CROCC2: variants seen among roughly 807,000 people sequenced by gnomAD.
CROCC2 encodes the protein ciliary rootlet coiled-coil, rootletin family member 2.
Under a neutral mutation model 177.6 loss-of-function variants are expected in CROCC2, and 163 were observed. The observed-to-expected ratio is 0.92, with a 90% CI of 0.81 to 1.05. The LOEUF (loss-of-function observed/expected upper bound fraction) is 1.05, where lower values mean the gene tolerates loss of function less well. Among genes scored for constraint, CROCC2 ranks in the 50% least tolerant of loss-of-function variants. The pLI is 0.00. For synonymous variants in CROCC2, 904 were observed against 787.3 expected, an observed-to-expected ratio of 1.15 and a Z score of -2.48; for missense variants, 1,929 against 1,797.8, an observed-to-expected ratio of 1.07 and a Z score of -1.32.
chr2:240,940,630 TTGA>T (rs2059490332), intron 14 of CROCC2, among the ~76,000 whole-genome samples: 1 of 61,396 alleles, frequency 1.6e-5, no homozygotes, highest in Non-Finnish European at 4.7e-5. Context: ...GAAAAAGCGT[TTGA>T]CAAAATCCAG....
chr2:240,951,106 T>G (rs1345958408), intron 18 of CROCC2, among the ~76,000 whole-genome samples: 1 of 147,986 alleles, frequency 6.8e-6, no homozygotes, highest in African/African-American at 2.5e-5. Context: ...CATCCACCTG[T>G]TCATCCATCC....
At chr2:240,939,139 T>C (rs1324074683) in intron 14 of CROCC2, among the ~76,000 whole-genome samples, 3 of 152,116 alleles carry the variant, frequency 2.0e-5, no homozygotes. Flanking sequence ...TCTGTAGGCT[T>C]TTCATAGATG....
In CROCC2 at chr2:240,953,593, C is replaced by G. The variant is rs2059570781; in HGVS notation, c.2830-2266C>G. 6.6e-6 allele frequency among the ~76,000 whole-genome samples: 1 copy of G among 152,186 alleles called. No individual in the cohort carries two copies. The highest frequency in any genetic ancestry group is 1.9e-4 in the East Asian group (1 of 5,172). Reference sequence around the variant, plus strand: ...TGCAGCAAGTGAGTTTTCCCAGGACCTCTGCTTGGCCAGCTGCCCTTTATT... The same window carrying G: ...TGCAGCAAGTGAGTTTTCCCAGGACGTCTGCTTGGCCAGCTGCCCTTTATT... On this transcript the variant is annotated intron_variant, in intron 18 of 31. Transcript: ENST00000690015. This position sits in a 1 kb window ranked among gnomAD's most constrained non-coding sequence, Gnocchi z 4.0.
At position 240,934,396 on chromosome 2, in the gene CROCC2, G is replaced by A. The variant is rs1407641937; in HGVS notation, c.1712G>A (p.Arg571Gln). The A allele has an allele frequency of 1.2e-5, 18 of 1,548,626 alleles. No homozygotes were observed. The highest frequency in any genetic ancestry group is 2.4e-5 in the East Asian group (1 of 40,922). ...CTCAGAGAGGAGCTGGCATCGGTCCGGGAGGCACTGAGCACAGCACAGCTG... is the reference window on the plus strand; with the variant it reads ...CTCAGAGAGGAGCTGGCATCGGTCCAGGAGGCACTGAGCACAGCACAGCTG... ...SGLREELASV[R>Q]EALSTAQLQR... Residue 571 changes from arginine to glutamine, a missense_variant, in exon 12 of 32, where the codon CGG becomes CAG. Coordinates refer to ENST00000690015, the MANE Select transcript of CROCC2 (RefSeq NM_001351305.2).
At chr2:240,970,866 C>G (rs926163832) in intron 27 of CROCC2, among the ~76,000 whole-genome samples, 2 of 152,164 alleles carry the variant, frequency 1.3e-5, no homozygotes, top group African/African-American at 2.4e-5. Context: ...AGGTGAGAAG[C>G]CTGGCATGGT....
intron 30 of CROCC2, 131 bp downstream of exon 30, chr2:240,989,964 G>C (rs1473597907): frequency 1.2e-6 from 1 of 867,684 alleles, no homozygotes; most frequent in African/African-American, 1.7e-5. Context: ...GCCACCCAGT[G>C]GGCTCCAGAC....
chr2:240,971,195 G>A (rs1254905693), intron 27 of CROCC2, among the ~76,000 whole-genome samples: 1 of 152,238 alleles, frequency 6.6e-6, no homozygotes, highest in Non-Finnish European at 1.5e-5. Flanking sequence ...GTGTGCGTGA[G>A]TGGGTGAGAC....
At position 240,972,980 on chromosome 2, in the gene CROCC2, T is replaced by G. The variant is rs1272067085; in HGVS notation, c.4401+4718T>G. Among the ~76,000 whole-genome samples the G allele has an allele frequency of 6.6e-6, 1 of 152,088 alleles. No individual in the cohort carries two copies. The highest frequency in any genetic ancestry group is 1.5e-5 in the Non-Finnish European group (1 of 68,010). On this transcript the variant is annotated intron_variant, in intron 27 of 31. Coordinates refer to ENST00000690015, the MANE Select transcript of CROCC2 (RefSeq NM_001351305.2). The surrounding 1 kb of genome is among the most constrained non-coding windows in gnomAD (Gnocchi z 7.1). ...GGGCTGGGAACATAGCCATGCTCCC[T>G]GCTGCCCCATGCCCCTTGCTGAGCA...
intron 20 of CROCC2, 198 bp from the exon 21 acceptor site, chr2:240,963,358 G>A (rs1024985308): frequency 3.8e-5 from 22 of 584,420 alleles, no homozygotes; most frequent in Non-Finnish European, 1.8e-5. Context: ...GGCTGGCCCT[G>A]CCTCAGCCCG....
chr2:240,945,366 T>C (rs1352839694), intron 14 of CROCC2, among the ~76,000 whole-genome samples: 2 of 152,242 alleles, frequency 1.3e-5, no homozygotes, highest in Admixed American at 6.5e-5. Context: ...CCGCTAGTAC[T>C]AGGGTCAAGC....
chr2:240,950,851 C>A, intron 18 of CROCC2: 1 of 264,504 alleles, frequency 3.8e-6, no homozygotes, highest in Non-Finnish European at 7.2e-6. Context: ...AACCACCCAC[C>A]CATTCACCCA....
chr2:240,906,698 T>C (rs930533263), intron 1 of CROCC2, 107 bp downstream of exon 1: 1 of 398,276 alleles, frequency 2.5e-6, no homozygotes, highest in Non-Finnish European at 4.4e-6. Flanking sequence ...CCTTCCTGGC[T>C]CCCGGGGCAC....
rs991676202 is a variant in CROCC2, at chr2:240,907,526, A to G, written c.78+935A>G. Among the ~76,000 whole-genome samples, 4 of 152,276 alleles carry G rather than the reference A, an allele frequency of 2.6e-5. No individual in the cohort carries two copies. In the East Asian group the frequency reaches 5.8e-4, roughly 22 times the overall value. ...CAAAACTATGCCACGGCAGGCTGACATGGCCCTATCCAAACAATACAGATC... is the reference window on the plus strand; with the variant it reads ...CAAAACTATGCCACGGCAGGCTGACGTGGCCCTATCCAAACAATACAGATC... On this transcript the variant is annotated intron_variant, in intron 1 of 31. Transcript: ENST00000690015.
At chr2:240,987,867 C>A (rs775367907) in intron 28 of CROCC2, among the ~76,000 whole-genome samples, 2 of 152,234 alleles carry the variant, frequency 1.3e-5, no homozygotes, top group Non-Finnish European at 2.9e-5. Flanking sequence ...CCTGCCTCAG[C>A]GCCTGCCTGG....
intron 27 of CROCC2, among the ~76,000 whole-genome samples, chr2:240,981,321 A>T (rs1430901798): frequency 6.6e-6 from 1 of 151,900 alleles, no homozygotes; most frequent in Non-Finnish European, 1.5e-5. Context: ...CTCATCCCTG[A>T]GCACTCAGCT....
At chr2:240,991,099 C>T in intron 30 of CROCC2, 97 bp from the exon 31 acceptor site, 2 of 871,898 alleles carry the variant, frequency 2.3e-6, no homozygotes, top group South Asian at 2.3e-5. Flanking sequence ...ACCATGGCCT[C>T]CAGCCCTTCC....
intron 5 of CROCC2, among the ~76,000 whole-genome samples, chr2:240,929,244 G>T (rs1280532047): frequency 6.6e-6 from 1 of 152,142 alleles, no homozygotes; most frequent in Non-Finnish European, 1.5e-5. Flanking sequence ...CTGGTTTCTG[G>T]TCATGGTCCT....
rs2059865221 is a variant in CROCC2 at position 240,989,772 on chromosome 2, C to T, written c.4802C>T (p.Thr1601Met). The change falls in exon 30 of 32, where the codon ACG (threonine) becomes ATG (methionine). Residue 1601 changes from threonine (T) to methionine (M), a missense_variant. Thr to Met is a moderately conservative substitution (Grantham distance 81, BLOSUM62 -1). Coordinates refer to ENST00000690015, the MANE Select transcript of CROCC2 (RefSeq NM_001351305.2). ...ERLHGARPQA[T>M]QALESQEWTH... ...CTCCATGGGGCCCGGCCGCAGGCCA[C>T]GCAGGCCCTGGAGTCCCAAGAATGG... is the stretch of plus-strand genomic sequence containing the variant. 1.9e-6 allele frequency: 3 copies of T among 1,550,082 alleles called. No homozygotes were observed. Among genetic ancestry groups the T allele is most frequent in the Admixed American group, 2.0e-5 (1 of 51,012 alleles).
Position 240,931,071 on chromosome 2 carries a change from GGGAGATGCT to G in CROCC2, c.892_900del (p.Glu298_Leu300del), listed in dbSNP as rs774812856. On this transcript the variant is annotated inframe_deletion, in exon 7 of 32. Coordinates refer to ENST00000690015, the MANE Select transcript of CROCC2 (RefSeq NM_001351305.2). ...GGGCAGCAGCTTCGGGACAAGGCTG[GGGAGATGCT>G]GCAGCTGCAGGGCCGCTGGGACGCA... The G allele has an allele frequency of 1.2e-4, 85 of 716,446 alleles. 2 individuals are homozygous for G. The South Asian group carries it at 1.2e-3, about 10-fold the overall frequency. The allele number at this position is 716,446 out of a possible 1,614,324, so 44.4% of individuals were successfully genotyped here.
Sources: allele counts gnomAD v4.1 joint callset (sites outside exome capture counted in the v4.1 genomes callset), GRCh38; gene constraint gnomAD v4.1.1; non-coding constraint Gnocchi (gnomAD v3.1); transcripts MANE v1.5; gene names NCBI Gene and HGNC (gene_info 2026-07-23, HGNC 2026-07-21).